CHCHD6: variants seen among roughly 807,000 people sequenced by gnomAD.
CHCHD6 encodes the protein MICOS complex subunit MIC25.
Under a neutral mutation model 32.3 loss-of-function variants are expected in CHCHD6, and 28 were observed. The ratio of observed to expected loss-of-function variants is 0.87; its 90% confidence interval spans 0.64 to 1.19. The LOEUF (loss-of-function observed/expected upper bound fraction) is 1.19. Among genes scored for constraint, CHCHD6 ranks in the 50% most tolerant of loss-of-function variants. CHCHD6 has a pLI of 0.00. For synonymous variants in CHCHD6, 122 were observed against 117.5 expected (o/e 1.04, Z -0.25); for missense variants, 333 against 307.0 (o/e 1.08, Z -0.63).
intron 4 of CHCHD6, among the ~76,000 whole-genome samples, chr3:126,745,592 A>G (rs1470542723): frequency 6.6e-6 from 1 of 152,166 alleles, no homozygotes; most frequent in Non-Finnish European, 1.5e-5. Context: ...CAAAAAAGGG[A>G]CAGCGAACAG....
In CHCHD6 at chr3:126,754,983, T is replaced by G. The variant is rs547707509; in HGVS notation, c.411+21761T>G. Among the ~76,000 whole-genome samples, 26 of 152,278 alleles carry G rather than the reference T, an allele frequency of 1.7e-4. No individual in the cohort carries two copies. The South Asian group carries it at 2.3e-3, about 13-fold the overall frequency. On this transcript the variant is annotated intron_variant, in intron 4 of 7. Transcript: ENST00000290913. ...TCCCATTGGGGGCAATGAGTTGTCATATTCTAAAATCCTGATGAAGTGGGG... is the reference window on the plus strand; with the variant it reads ...TCCCATTGGGGGCAATGAGTTGTCAGATTCTAAAATCCTGATGAAGTGGGG...
intron 4 of CHCHD6, among the ~76,000 whole-genome samples, chr3:126,846,232 A>C (rs1941291514): frequency 6.6e-6 from 1 of 152,124 alleles, no homozygotes; most frequent in Non-Finnish European, 1.5e-5. Context: ...ATACAACCTG[A>C]CTCAGAGGTT....
chr3:126,771,150 AT>A (rs1030864089), intron 4 of CHCHD6, among the ~76,000 whole-genome samples: 24 of 143,194 alleles, frequency 1.7e-4, no homozygotes, highest in African/African-American at 6.2e-4. Flanking sequence ...GATTTTCTCT[AT>A]TTCTGTGGGG....
chr3:126,823,946 G>A (rs1332986632), intron 4 of CHCHD6, among the ~76,000 whole-genome samples: 3 of 152,026 alleles, frequency 2.0e-5, no homozygotes, highest in South Asian at 2.1e-4. Flanking sequence ...GTGGTGGCAC[G>A]TGCCTATAGT....
chr3:126,831,819 T>G (rs1940656790), intron 4 of CHCHD6, among the ~76,000 whole-genome samples: 1 of 152,074 alleles, frequency 6.6e-6, no homozygotes, highest in Non-Finnish European at 1.5e-5. Context: ...GAAGAGTGTG[T>G]TTGGTTTAAT....
chr3:126,714,730 CA>C (rs1448636494), intron 1 of CHCHD6, among the ~76,000 whole-genome samples: 1 of 152,190 alleles, frequency 6.6e-6, no homozygotes, highest in Non-Finnish European at 1.5e-5. Context: ...CAGTGCCTAG[CA>C]CCCAGCAGGC....
chr3:126,952,076 G>C (rs2078723675), intron 6 of CHCHD6, among the ~76,000 whole-genome samples: 1 of 152,254 alleles, frequency 6.6e-6, no homozygotes, highest in Non-Finnish European at 1.5e-5. Context: ...ACCTAAGAAT[G>C]AGTTTTTGAA....
chr3:126,774,761 T>C (rs1175777642), intron 4 of CHCHD6, among the ~76,000 whole-genome samples: 2 of 152,214 alleles, frequency 1.3e-5, no homozygotes, highest in Non-Finnish European at 2.9e-5. Flanking sequence ...AGGGTGGCAG[T>C]GCAGCTATTT....
rs1937110163 is a variant in CHCHD6 at position 126,760,210 on chromosome 3, T to A, written c.411+26988T>A. 2.0e-5 allele frequency among the ~76,000 whole-genome samples: 3 copies of A among 152,334 alleles called. No homozygotes were observed. The South Asian group carries it at 6.2e-4, about 32-fold the overall frequency. The stretch of plus-strand genomic sequence containing the variant: ...ATCAGGTACCTGTTCCTTTTTGAAA[T>A]TAGTAAGTAATCTGTGGGGTGATGC... On this transcript the variant is annotated intron_variant, in intron 4 of 7. Coordinates refer to ENST00000290913, the MANE Select transcript of CHCHD6 (RefSeq NM_032343.3).
At chr3:126,781,005 T>A (rs1405665396) in intron 4 of CHCHD6, among the ~76,000 whole-genome samples, 1 of 152,074 alleles carries the variant, frequency 6.6e-6, no homozygotes, top group African/African-American at 2.4e-5. Flanking sequence ...TGCACATGTC[T>A]CATTGGCTGG....
In CHCHD6 at chr3:126,771,674, C is replaced by G. The variant is rs1937545219; in HGVS notation, c.411+38452C>G. Among the ~76,000 whole-genome samples the G allele has an allele frequency of 2.6e-5, 4 of 152,206 alleles. No homozygotes were observed. In the Middle Eastern group the frequency reaches 0.01, roughly 388 times the overall value. On this transcript the variant is annotated intron_variant, in intron 4 of 7. Transcript: ENST00000290913. ...TCTGATTTAGGTTATTTTTTGTCTT[C>G]CAGCTTTGGGGCTATTTTGCTCTTG...
rs143293559 is a variant in CHCHD6 at position 126,764,200 on chromosome 3, C to CATATATATATATATATATAT, written c.411+30984_411+31003dup. 5.7e-5 allele frequency among the ~76,000 whole-genome samples: 8 copies of CATATATATATATATATATAT among 139,808 alleles called. No homozygotes were observed. The South Asian group carries it at 1.2e-3, about 20-fold the overall frequency. 91.7% of individuals were successfully genotyped at this position (139,808 alleles called of 152,430 possible). A position where few individuals can be genotyped will look rare whatever the true frequency, so the allele number is the denominator to read the frequency against. On this transcript the variant is annotated intron_variant, in intron 4 of 7. Coordinates refer to ENST00000290913, the MANE Select transcript of CHCHD6 (RefSeq NM_032343.3). The stretch of plus-strand genomic sequence containing the variant: ...ATACACATACATACATACATACATG[C>CATATATATATATATATATAT]ATATATATATATATATATATATATA...
At chr3:126,718,715 C>G (rs999499910) in intron 1 of CHCHD6, among the ~76,000 whole-genome samples, 10 of 152,238 alleles carry the variant, frequency 6.6e-5, no homozygotes, top group African/African-American at 2.2e-4. Context: ...ATTGACCACA[C>G]AGGACCTCCT....
At chr3:126,733,249 C>T in intron 4 of CHCHD6, 27 bp downstream of exon 4, 3 of 1,603,612 alleles carry the variant, frequency 1.9e-6, no homozygotes, top group Non-Finnish European at 1.7e-6. Flanking sequence ...CCTGATCTGG[C>T]CTTCTGAGCT....
intron 4 of CHCHD6, among the ~76,000 whole-genome samples, chr3:126,801,640 GACAA>G (rs1369709774): frequency 2.6e-5 from 4 of 152,206 alleles, no homozygotes; most frequent in African/African-American, 4.8e-5. Flanking sequence ...GCAGGGCACA[GACAA>G]ACAAAAAGAC....
At chr3:126,794,444 A>T (rs1281986725) in intron 4 of CHCHD6, among the ~76,000 whole-genome samples, 1 of 149,012 alleles carries the variant, frequency 6.7e-6, no homozygotes, top group Admixed American at 6.7e-5. Flanking sequence ...ATATATGTTT[A>T]TATATATATT....
At chr3:126,923,032 C>T (rs1167543965) in intron 6 of CHCHD6, among the ~76,000 whole-genome samples, 1 of 152,198 alleles carries the variant, frequency 6.6e-6, no homozygotes, top group Non-Finnish European at 1.5e-5. Context: ...GTCCCCAGGG[C>T]AGATGTCACA....
chr3:126,805,387 A>G (rs1303847100), intron 4 of CHCHD6, among the ~76,000 whole-genome samples: 1 of 152,108 alleles, frequency 6.6e-6, no homozygotes, highest in African/African-American at 2.4e-5. Context: ...AAAAGTCACA[A>G]GCATTCTTAT....
intron 6 of CHCHD6, among the ~76,000 whole-genome samples, chr3:126,939,038 G>T (rs2078522088): frequency 6.6e-6 from 1 of 152,180 alleles, no homozygotes; most frequent in African/African-American, 2.4e-5. Context: ...CTTTGGGTAG[G>T]TTATCTCATT....
Sources: allele counts gnomAD v4.1 joint callset (sites outside exome capture counted in the v4.1 genomes callset), GRCh38; gene constraint gnomAD v4.1.1; transcripts MANE v1.5; gene names NCBI Gene and HGNC (gene_info 2026-07-23, HGNC 2026-07-21).